Variants in MAF observed in about 807,000 individuals in gnomAD.
MAF encodes the protein transcription factor Maf.
A neutral mutation model predicts 22.0 loss-of-function variants in MAF; 10 were observed. That is an observed-to-expected ratio of 0.45 (90% CI 0.28 to 0.77). The LOEUF (loss-of-function observed/expected upper bound fraction) is 0.77, where lower values mean the gene tolerates loss of function less well. Ranked by LOEUF, MAF falls within the 30% of genes least tolerant of loss-of-function variation. The probability of loss-of-function intolerance (pLI) is 0.12; values close to 1 mark genes in which losing one functional copy is unlikely to be tolerated. For missense variants in MAF, 544 were observed against 548.4 expected (o/e 0.99, Z 0.08); for synonymous variants, 337 against 255.8 (o/e 1.32, Z -3.03).
the MAF span, among the ~76,000 whole-genome samples, chr16:79,473,887 G>A: frequency 1.3e-5 from 2 of 152,140 alleles, no homozygotes; most frequent in African/African-American, 4.8e-5. Context: ...CATCAGTGTT[G>A]CCCTTTGTGG....
chr16:79,542,805 G>A, the MAF span, among the ~76,000 whole-genome samples: 2 of 152,206 alleles, frequency 1.3e-5, no homozygotes, highest in Non-Finnish European at 2.9e-5. Context: ...TTAATCTTCA[G>A]TGACCATGGC....
At chr16:79,270,567 C>A in the MAF span, among the ~76,000 whole-genome samples, 2 of 152,200 alleles carry the variant, frequency 1.3e-5, no homozygotes, top group African/African-American at 4.8e-5. Flanking sequence ...TTAGTCTTAG[C>A]CCCATCATTG....
At chr16:79,427,714 G>A in the MAF span, among the ~76,000 whole-genome samples, 20 of 152,084 alleles carry the variant, frequency 1.3e-4, no homozygotes, top group African/African-American at 4.3e-4. Context: ...TGATAGCCCT[G>A]TACTGGCCCA....
the MAF span, among the ~76,000 whole-genome samples, chr16:79,267,827 C>T: frequency 6.6e-6 from 1 of 152,058 alleles, no homozygotes; most frequent in Non-Finnish European, 1.5e-5. Flanking sequence ...CTGGAGGGAG[C>T]TTCCTAAGTG....
At chr16:79,515,446 T>C in the MAF span, among the ~76,000 whole-genome samples, 2 of 152,240 alleles carry the variant, frequency 1.3e-5, no homozygotes, top group Non-Finnish European at 2.9e-5. Flanking sequence ...TCCTAAGTTA[T>C]TCAACACTTT....
At chr16:79,547,621 G>C in the MAF span, among the ~76,000 whole-genome samples, 2 of 152,146 alleles carry the variant, frequency 1.3e-5, no homozygotes, top group East Asian at 1.9e-4. Flanking sequence ...GCAACAAATA[G>C]TTCCCTCTGG....
At chr16:79,262,911 T>C in the MAF span, among the ~76,000 whole-genome samples, 108 of 152,304 alleles carry the variant, frequency 7.1e-4, no homozygotes, top group African/African-American at 2.4e-3. Context: ...CATCTTATTC[T>C]CTCATAATGT....
the MAF span, among the ~76,000 whole-genome samples, chr16:79,382,607 C>A: frequency 6.6e-6 from 1 of 152,128 alleles, no homozygotes; most frequent in East Asian, 1.9e-4. Flanking sequence ...CAGCTATTGA[C>A]GAAAAAGTGG....
the MAF span, among the ~76,000 whole-genome samples, chr16:79,575,508 T>G: frequency 6.6e-6 from 1 of 152,178 alleles, no homozygotes; most frequent in Admixed American, 6.5e-5. Context: ...TCAGCTATCT[T>G]TTCTGAGAAT....
At chr16:79,570,097 C>T in the MAF span, among the ~76,000 whole-genome samples, 1 of 150,176 alleles carries the variant, frequency 6.7e-6, no homozygotes, top group South Asian at 2.1e-4. Context: ...TTAGACTCTA[C>T]ACCAGCTCAA....
the MAF span, among the ~76,000 whole-genome samples, chr16:79,286,934 C>T: frequency 6.6e-6 from 1 of 152,150 alleles, no homozygotes; most frequent in Admixed American, 6.5e-5. Flanking sequence ...AGACCTGACT[C>T]TCTGGCAAAA....
the MAF span, among the ~76,000 whole-genome samples, chr16:79,348,956 C>T: frequency 3.3e-5 from 5 of 152,166 alleles, no homozygotes; most frequent in African/African-American, 1.2e-4. Flanking sequence ...TCTACAGACC[C>T]TCTTGTGTGC....
At chr16:79,547,286 T>C in the MAF span, among the ~76,000 whole-genome samples, 2 of 150,832 alleles carry the variant, frequency 1.3e-5, no homozygotes, top group Non-Finnish European at 3.0e-5. Flanking sequence ...CACACGCACA[T>C]ACACACACAC....
the MAF span, chr16:79,204,052 C>T: frequency 5.9e-5 from 9 of 152,066 alleles, no homozygotes; most frequent in Non-Finnish European, 1.0e-4. Context: ...TGTAGAAGGA[C>T]GACACTATCA....
the MAF span, among the ~76,000 whole-genome samples, chr16:79,532,873 T>C: frequency 1.3e-5 from 2 of 152,244 alleles, no homozygotes; most frequent in African/African-American, 4.8e-5. Context: ...ATGCGGTCAG[T>C]GCCAGCTTTG....
chr16:79,477,843 G>A, the MAF span, among the ~76,000 whole-genome samples: 3 of 152,018 alleles, frequency 2.0e-5, no homozygotes, highest in African/African-American at 4.8e-5. Context: ...TCCTGCCTCA[G>A]CCTCCCTAGT....
the MAF span, among the ~76,000 whole-genome samples, chr16:79,252,568 C>T: frequency 2.6e-5 from 4 of 152,136 alleles, no homozygotes; most frequent in Admixed American, 6.5e-5. Context: ...CAGCTCACTG[C>T]AACCGCAACC....
the MAF span, among the ~76,000 whole-genome samples, chr16:79,533,630 A>C: frequency 6.6e-6 from 1 of 152,046 alleles, no homozygotes; most frequent in Non-Finnish European, 1.5e-5. Flanking sequence ...TTTTGTCCGG[A>C]GGTAGGAATT....
chr16:79,322,404 T>C, the MAF span, among the ~76,000 whole-genome samples: 1 of 152,170 alleles, frequency 6.6e-6, no homozygotes. Flanking sequence ...AGGAAGGGAA[T>C]CTTCTTTTCT....
Sources: allele counts gnomAD v4.1 joint callset (sites outside exome capture counted in the v4.1 genomes callset), GRCh38; gene constraint gnomAD v4.1.1; transcripts MANE v1.5; gene names NCBI Gene and HGNC (gene_info 2026-07-23, HGNC 2026-07-21).